DPP10: variants seen among roughly 807,000 people sequenced by gnomAD.
DPP10 encodes the protein dipeptidyl peptidase like 10.
In DPP10, 33 loss-of-function variants were observed where a neutral mutation model predicts 120.9. That is an observed-to-expected ratio of 0.27 (90% CI 0.21 to 0.37). DPP10 has a LOEUF of 0.37. DPP10 is among the 10% of genes least tolerant of loss of function. The pLI is 1.00. For synonymous variants in DPP10, 337 were observed against 326.1 expected (o/e 1.03, Z -0.36); for missense variants, 816 against 942.8 (o/e 0.87, Z 1.76).
intron 1 of DPP10, among the ~76,000 whole-genome samples, chr2:114,939,549 T>G (rs570864329): frequency 4.6e-5 from 7 of 152,264 alleles, no homozygotes; most frequent in African/African-American, 1.4e-4. Context: ...ATAATAAATT[T>G]AAGCAATTTT....
At chr2:115,342,293 G>A (rs535599716) in intron 2 of DPP10, 8 of 311,418 alleles carry the variant, frequency 2.6e-5, no homozygotes, top group Admixed American at 1.2e-4. Context: ...TGCAGCCTCC[G>A]CCTCCTGTGT....
At chr2:115,841,901 G>A (rs1197693226) in intron 25 of DPP10, among the ~76,000 whole-genome samples, 1 of 152,142 alleles carries the variant, frequency 6.6e-6, no homozygotes, top group African/African-American at 2.4e-5. Flanking sequence ...AGAGGCCAAG[G>A]GCCTTTAGTC....
chr2:114,583,677 G>A (rs77865270), intron 1 of DPP10, among the ~76,000 whole-genome samples: 20,896 of 152,160 alleles, frequency 0.14, 1,743 homozygotes, highest in Non-Finnish European at 0.19. Context: ...TAATATTTAA[G>A]GTGAATTTAT....
chr2:114,931,700 A>G (rs1696081745), intron 1 of DPP10, among the ~76,000 whole-genome samples: 2 of 152,220 alleles, frequency 1.3e-5, no homozygotes, highest in Admixed American at 1.3e-4. Context: ...ATAGACCAAC[A>G]TTAGAAATCT....
At chr2:114,762,026 T>C (rs1680325479) in intron 1 of DPP10, among the ~76,000 whole-genome samples, 3 of 152,066 alleles carry the variant, frequency 2.0e-5, no homozygotes, top group Admixed American at 2.0e-4. Context: ...CCTGTCTCAT[T>C]TGAAGATTCA....
At chr2:114,447,606 T>C (rs1232713232) in intron 1 of DPP10, among the ~76,000 whole-genome samples, 1 of 152,146 alleles carries the variant, frequency 6.6e-6, no homozygotes. Context: ...CTATTCCTAA[T>C]CCTAAGAACT....
chr2:114,944,777 A>C (rs1391127173), intron 1 of DPP10, among the ~76,000 whole-genome samples: 1 of 152,214 alleles, frequency 6.6e-6, no homozygotes, highest in Middle Eastern at 3.2e-3. Flanking sequence ...AAGGACGTTT[A>C]ATAGCTACAG....
intron 1 of DPP10, among the ~76,000 whole-genome samples, chr2:114,593,458 A>G (rs965804176): frequency 4.4e-4 from 67 of 152,274 alleles, no homozygotes; most frequent in African/African-American, 1.4e-3. Flanking sequence ...CCTTGAGGTA[A>G]ATGCACTAAC....
At chr2:114,659,974 G>A (rs1697270476) in intron 1 of DPP10, among the ~76,000 whole-genome samples, 1 of 152,208 alleles carries the variant, frequency 6.6e-6, no homozygotes, top group South Asian at 2.1e-4. Context: ...TCTTCAGAAA[G>A]AGCATGGCCA....
At chr2:115,367,174 A>T (rs1290225673) in intron 3 of DPP10, among the ~76,000 whole-genome samples, 1 of 151,986 alleles carries the variant, frequency 6.6e-6, no homozygotes, top group Non-Finnish European at 1.5e-5. Flanking sequence ...TGAATTTTAG[A>T]TGTAATGGAC....
At chr2:114,919,400 A>C (rs2106636232) in intron 1 of DPP10, among the ~76,000 whole-genome samples, 1 of 152,356 alleles carries the variant, frequency 6.6e-6, no homozygotes, top group African/African-American at 2.4e-5. Context: ...GAGGACTGAA[A>C]GAAGATAAGA....
At chr2:115,515,097 A>T (rs1469035841) in intron 4 of DPP10, among the ~76,000 whole-genome samples, 1 of 151,940 alleles carries the variant, frequency 6.6e-6, no homozygotes, top group African/African-American at 2.4e-5. Flanking sequence ...AACAAAAAAA[A>T]TTGTGTAATA....
chr2:115,729,848 A>G (rs1486218832), intron 8 of DPP10, among the ~76,000 whole-genome samples: 1 of 152,052 alleles, frequency 6.6e-6, no homozygotes. Context: ...AAGCCTGAAC[A>G]GTTAACAAGT....
chr2:114,779,373 A>C (rs1008146835), intron 1 of DPP10, among the ~76,000 whole-genome samples: 3 of 152,226 alleles, frequency 2.0e-5, no homozygotes, highest in South Asian at 4.2e-4. Flanking sequence ...TATGGCTTTT[A>C]TTATTAACAG....
intron 21 of DPP10, among the ~76,000 whole-genome samples, chr2:115,835,787 A>C (rs1172044990): frequency 6.6e-6 from 1 of 152,182 alleles, no homozygotes; most frequent in Non-Finnish European, 1.5e-5. Flanking sequence ...GGAAAATTAC[A>C]TGTGATTTAA....
chr2:115,380,857 C>T (rs1574635388), intron 3 of DPP10, among the ~76,000 whole-genome samples: 1 of 152,220 alleles, frequency 6.6e-6, no homozygotes, highest in African/African-American at 2.4e-5. Flanking sequence ...AAATTCTTTT[C>T]TTTAGGAATG....
At chr2:115,475,543 G>A (rs531132446) in intron 3 of DPP10, among the ~76,000 whole-genome samples, 3 of 152,192 alleles carry the variant, frequency 2.0e-5, no homozygotes, top group Non-Finnish European at 4.4e-5. Flanking sequence ...TCCCCACACA[G>A]AATCCCCAGT....
At chr2:115,034,917 T>G (rs1704119962) in intron 1 of DPP10, among the ~76,000 whole-genome samples, 1 of 152,218 alleles carries the variant, frequency 6.6e-6, no homozygotes, top group Admixed American at 6.5e-5. Flanking sequence ...CATTACATTT[T>G]CTCACTGCCT....
chr2:114,488,384 TTAAG>T (rs1166575117), intron 1 of DPP10, among the ~76,000 whole-genome samples: 2 of 152,152 alleles, frequency 1.3e-5, no homozygotes, highest in Non-Finnish European at 2.9e-5. Flanking sequence ...GGCATGAGGA[TTAAG>T]TGAGGACACA....
Sources: allele counts gnomAD v4.1 joint callset (sites outside exome capture counted in the v4.1 genomes callset), GRCh38; gene constraint gnomAD v4.1.1; transcripts MANE v1.5; gene names NCBI Gene and HGNC (gene_info 2026-07-23, HGNC 2026-07-21).